The following PALS2 variants were observed in gnomAD, a reference collection of about 807,000 sequenced individuals.
The protein encoded by PALS2 is protein associated with LIN7 2, MAGUK p55 family member, also known as protein PALS2.
A neutral mutation model predicts 61.6 loss-of-function variants in PALS2; 27 were observed. The observed-to-expected ratio is 0.44, with a 90% confidence interval of 0.32 to 0.60. The LOEUF (loss-of-function observed/expected upper bound fraction) is 0.60. Ranked by LOEUF, PALS2 falls within the 20% of genes least tolerant of loss-of-function variation. The pLI is 0.05. For missense variants in PALS2, 554 were observed against 639.4 expected (o/e 0.87, Z 1.44); for synonymous variants, 236 against 218.6 (o/e 1.08, Z -0.70).
rs1788436954 is a variant in PALS2, at chr7:24,690,925, T to TAAGA, written c.*3311_*3312insAAGA. ...AGTTTCCTTTAAAGCAACAAATAGA[T>TAAGA]TATTAAGGCAAATTTAGATAATAAC... is the stretch of plus-strand genomic sequence containing the variant. On this transcript the variant is annotated 3_prime_UTR_variant, in exon 12 of 12. Transcript: ENST00000222644. The TAAGA allele has an allele frequency of 6.6e-6, 1 of 152,156 alleles. No individual in the cohort carries two copies. Among genetic ancestry groups the TAAGA allele is most frequent in the African/African-American group, 2.4e-5 (1 of 41,448 alleles). The allele number at this position is 152,156 out of a possible 1,614,324, so 9.4% of individuals were successfully genotyped here.
rs1220680884 is a variant in PALS2 at position 24,643,071 on chromosome 7, C to T, written c.270+1203C>T. ...ATCAACAGGATATAGTGATTGGTTGCATATGACAGTTGTAGAAGAGAGATG... is the reference window on the plus strand; with the variant it reads ...ATCAACAGGATATAGTGATTGGTTGTATATGACAGTTGTAGAAGAGAGATG... On this transcript the variant is annotated intron_variant, in intron 3 of 11. Transcript: ENST00000222644. 2.6e-5 allele frequency among the ~76,000 whole-genome samples: 4 copies of T among 152,190 alleles called. No homozygotes were observed. In the East Asian group the frequency reaches 7.7e-4, roughly 29 times the overall value.
chr7:24,666,365 T>C (rs558162321), intron 8 of PALS2, among the ~76,000 whole-genome samples: 125 of 152,346 alleles, frequency 8.2e-4, no homozygotes, highest in African/African-American at 2.3e-3. Context: ...AGTATCATAA[T>C]TGAAACTATT....
chr7:24,607,773 C>T (rs1182635005), intron 1 of PALS2, among the ~76,000 whole-genome samples: 1 of 151,790 alleles, frequency 6.6e-6, no homozygotes, highest in Non-Finnish European at 1.5e-5. Context: ...CAGTAGAGGA[C>T]AGACGAGATA....
At chr7:24,679,451 CT>C in intron 10 of PALS2, 118 bp downstream of exon 10, 1 of 908,398 alleles carries the variant, frequency 1.1e-6, no homozygotes, top group Non-Finnish European at 1.7e-6. Flanking sequence ...AGGTGACTCC[CT>C]CCATTACCTT....
At chr7:24,668,699 G>GA in intron 9 of PALS2, 39 bp downstream of exon 9, 1 of 1,604,726 alleles carries the variant, frequency 6.2e-7, no homozygotes, top group Non-Finnish European at 8.5e-7. Flanking sequence ...CAATTGGCAG[G>GA]AAAGAGTATG....
At chr7:24,628,803 C>G (rs2128061060) in intron 2 of PALS2, among the ~76,000 whole-genome samples, 1 of 152,250 alleles carries the variant, frequency 6.6e-6, no homozygotes, top group Non-Finnish European at 1.5e-5. Flanking sequence ...TGAAGGACCT[C>G]TTCAAGGAAA....
chr7:24,592,108 A>C (rs917848031), intron 1 of PALS2, among the ~76,000 whole-genome samples: 1 of 152,184 alleles, frequency 6.6e-6, no homozygotes, highest in African/African-American at 2.4e-5. Context: ...TGGGTGACTC[A>C]AATTTTTCAC....
chr7:24,586,242 A>T (rs984948755), intron 1 of PALS2, among the ~76,000 whole-genome samples: 3 of 152,180 alleles, frequency 2.0e-5, no homozygotes, highest in Admixed American at 6.5e-5. Context: ...TTAGCCATAA[A>T]ATAAAATACT....
intron 1 of PALS2, among the ~76,000 whole-genome samples, chr7:24,590,968 T>C (rs1283859704): frequency 1.3e-5 from 2 of 152,096 alleles, no homozygotes; most frequent in East Asian, 1.9e-4. Flanking sequence ...GCCTTTCTTA[T>C]CTGTTTTCTA....
At position 24,641,706 on chromosome 7, in the gene PALS2, A is replaced by AT. The variant is rs1245892015; in HGVS notation, c.118-4dup. ...AGTATTACTACTTTAATATACTCTT[A>AT]TTTTTTCAGGCTCATGAGAGGCTAG... On this transcript the variant is annotated splice_polypyrimidine_tract_variant and intron_variant, in intron 2 of 11. Transcript: ENST00000222644. 6.3e-7 allele frequency: 1 copy of AT among 1,585,008 alleles called. No individual in the cohort carries two copies. Among genetic ancestry groups the AT allele is most frequent in the Admixed American group, 1.9e-5 (1 of 52,618 alleles).
chr7:24,603,481 G>A (rs1240037815), intron 1 of PALS2, among the ~76,000 whole-genome samples: 4 of 152,214 alleles, frequency 2.6e-5, no homozygotes, highest in Non-Finnish European at 5.9e-5. Flanking sequence ...GTTAAGATGA[G>A]CTCTCCACAT....
At chr7:24,667,856 C>T (rs928154278) in intron 8 of PALS2, among the ~76,000 whole-genome samples, 2 of 151,474 alleles carry the variant, frequency 1.3e-5, no homozygotes, top group Admixed American at 6.6e-5. Flanking sequence ...TTAGTAGAGA[C>T]GAGGTTTCAC....
intron 7 of PALS2, 114 bp downstream of exon 7, chr7:24,665,801 C>T: frequency 9.8e-7 from 1 of 1,023,352 alleles, no homozygotes; most frequent in Non-Finnish European, 1.4e-6. Context: ...ATGAATCCCT[C>T]CCTCTGCTTT....
At chr7:24,676,141 A>G (rs868334528) in intron 9 of PALS2, among the ~76,000 whole-genome samples, 15 of 151,852 alleles carry the variant, frequency 9.9e-5, no homozygotes, top group African/African-American at 3.2e-4. Context: ...TCTGATGGCC[A>G]GTGATGGTGA....
chr7:24,619,530 A>G (rs552585874), intron 1 of PALS2, among the ~76,000 whole-genome samples: 14 of 152,184 alleles, frequency 9.2e-5, no homozygotes, highest in Admixed American at 9.2e-4. Context: ...ATCCTGGCTA[A>G]CACGGTGAAA....
At chr7:24,591,630 G>A (rs140909508) in intron 1 of PALS2, among the ~76,000 whole-genome samples, 63 of 152,242 alleles carry the variant, frequency 4.1e-4, no homozygotes, top group African/African-American at 1.4e-3. Context: ...TAGTTATGGT[G>A]TATAAAGTCT....
intron 8 of PALS2, among the ~76,000 whole-genome samples, chr7:24,667,657 ATTT>A (rs11284911): frequency 0.013 from 1,311 of 98,598 alleles, 14 homozygotes; most frequent in African/African-American, 0.05. Flanking sequence ...GATTAGATAA[ATTT>A]TTTTTTTTTT....
intron 1 of PALS2, among the ~76,000 whole-genome samples, chr7:24,595,525 A>AAAT (rs1562604259): frequency 7.5e-6 from 1 of 132,504 alleles, no homozygotes; most frequent in African/African-American, 2.9e-5. Context: ...TAATATATAT[A>AAAT]ATATATAATA....
intron 8 of PALS2, among the ~76,000 whole-genome samples, chr7:24,667,817 A>T (rs1279286415): frequency 6.6e-6 from 1 of 151,848 alleles, no homozygotes; most frequent in African/African-American, 2.4e-5. Context: ...GGCGCACACC[A>T]CCACGCCTAG....
Sources: gnomAD v4.1 joint callset for allele counts (sites outside exome capture counted in the v4.1 genomes callset) on GRCh38, gnomAD v4.1.1 for gene constraint, MANE v1.5 for transcripts, NCBI Gene and HGNC (gene_info 2026-07-23, HGNC 2026-07-21) for gene names.